OSBPL7: variants seen among roughly 807,000 people sequenced by gnomAD.
OSBPL7 encodes oxysterol-binding protein-related protein 7.
A neutral mutation model predicts 115.8 loss-of-function variants in OSBPL7; 66 were observed. The ratio of observed to expected loss-of-function variants is 0.57; its 90% CI spans 0.47 to 0.70. The LOEUF is 0.70. Ranked by LOEUF, OSBPL7 falls within the 30% of genes least tolerant of loss-of-function variation. The pLI is 0.00. For synonymous variants in OSBPL7, 441 were observed against 439.2 expected (o/e 1.00, Z -0.05); for missense variants, 902 against 1,125.5 (o/e 0.80, Z 2.84).
At position 47,819,721 on chromosome 17, in the gene OSBPL7, G is replaced by A. The variant is rs370420564; in HGVS notation, c.255+8C>T. 259 of 1,613,896 alleles carry A rather than the reference G, an allele frequency of 1.6e-4. No individual in the cohort carries two copies. The highest frequency in any genetic ancestry group is 3.3e-4 in the Middle Eastern group (2 of 6,082). ...CTCCCACAACCCCAAGCCACTGCCC[G>A]GGCTCACGTCTTGCCGGGTTGTTGC... On this transcript the variant is annotated splice_region_variant and intron_variant, in intron 4 of 22. Coordinates refer to ENST00000007414, the MANE Select transcript of OSBPL7 (RefSeq NM_145798.3).
At chr17:47,820,500 C>A in intron 1 of OSBPL7, 135 bp from the exon 2 acceptor site, 1 of 547,912 alleles carries the variant, frequency 1.8e-6, no homozygotes, top group Non-Finnish European at 3.3e-6. Flanking sequence ...CCCAAGTCTG[C>A]CCCTCTGTCC....
At position 47,808,790 on chromosome 17, in the gene OSBPL7, A is replaced by G; in HGVS notation, c.2297+74T>C. On this transcript the variant is annotated intron_variant, in intron 21 of 22. Transcript: ENST00000007414. This position sits in a 1 kb window ranked among gnomAD's most constrained non-coding sequence, Gnocchi z 6.1. ...TCTGAGGCCACTCAGTGAAGGAAGG[A>G]CAAAGCCCCAGCTCTGTACTCTGTG... is the stretch of plus-strand genomic sequence containing the variant. 1 of 1,604,946 alleles carries G rather than the reference A, an allele frequency of 6.2e-7. No individual in the cohort carries two copies. Among genetic ancestry groups the G allele is most frequent in the Non-Finnish European group, 8.5e-7 (1 of 1,173,330 alleles).
Position 47,813,742 on chromosome 17 carries a change from T to C in OSBPL7, c.1444A>G (p.Ile482Val), listed in dbSNP as rs1267678516. 2 of 1,613,278 alleles carry C rather than the reference T, an allele frequency of 1.2e-6. No homozygotes were observed. Among genetic ancestry groups the C allele is most frequent in the African/African-American group, 2.7e-5 (2 of 74,904 alleles). Residue 482 changes from isoleucine to valine, a missense_variant, in exon 15 of 23, where the codon ATT becomes GTT. Physicochemically the swap from Ile to Val is conservative, Grantham distance 29 (BLOSUM62 3). Around this residue, in one of 3 missense-constraint regions of OSBPL7, gnomAD observed 667 missense variants for 788.7 expected, o/e 0.85. Transcript: ENST00000007414. ...GPGADVSLWN[I>V]LRNNIGKDLS... ...TCTTTGCCGATGTTGTTGCGCAGAA[T>C]GTTCCACAGGCTCACGTCAGCCCCA...
intron 13 of OSBPL7, chr17:47,814,880 T>A (rs1339184619): frequency 7.1e-6 from 4 of 560,268 alleles, no homozygotes; most frequent in Non-Finnish European, 1.3e-5. Context: ...GGAAGGGAAG[T>A]TGGGGATTAC....
intron 13 of OSBPL7, 99 bp downstream of exon 13, chr17:47,815,116 G>A (rs2033170316): frequency 4.1e-6 from 6 of 1,458,004 alleles, no homozygotes; most frequent in Middle Eastern, 2.4e-4. Context: ...CTGAGGTGGT[G>A]AGAAGGGGCT....
Position 47,816,024 on chromosome 17 carries a change from T to G in OSBPL7, c.1119+83A>C, listed in dbSNP as rs933484112. 1 of 1,288,650 alleles carries G rather than the reference T, an allele frequency of 7.8e-7. No homozygotes were observed. The highest frequency in any genetic ancestry group is 1.5e-5 in the African/African-American group (1 of 66,224). 79.8% of individuals were successfully genotyped at this position (1,288,650 alleles called of 1,614,324 possible). A position where few individuals can be genotyped will look rare whatever the true frequency, so the allele number is the denominator to read the frequency against. On this transcript the variant is annotated intron_variant, in intron 12 of 22. Coordinates refer to ENST00000007414, the MANE Select transcript of OSBPL7 (RefSeq NM_145798.3). The surrounding 1 kb of genome is among the most constrained non-coding windows in gnomAD (Gnocchi z 5.8). ...CTGTCTTTGGGACTAAAAACCAACT[T>G]TGCCCACTGCCCTGGGCCTTGGCTT...
At chr17:47,820,796 C>T (rs928967307) in intron 1 of OSBPL7, 1 of 152,650 alleles carries the variant, frequency 6.6e-6, no homozygotes. Context: ...TTCAGGACCC[C>T]TCCACCCTGC....
intron 3 of OSBPL7, 68 bp from the exon 4 acceptor site, chr17:47,819,850 C>T: frequency 6.2e-7 from 1 of 1,610,322 alleles, no homozygotes; most frequent in Non-Finnish European, 8.5e-7. Context: ...AGAAGGCAAC[C>T]ACACAAATTA....
intron 4 of OSBPL7, 51 bp downstream of exon 4, chr17:47,819,678 C>T (rs571591757): frequency 6.2e-7 from 1 of 1,604,732 alleles, no homozygotes; most frequent in African/African-American, 1.3e-5. Flanking sequence ...CTGCCCAGGG[C>T]ATACTGGGGC....
chr17:47,808,562 ATGT>A lies in OSBPL7; in HGVS notation c.2393_2395del (p.Asn798del). The A allele has an allele frequency of 6.2e-7, 1 of 1,614,114 alleles. No homozygotes were observed. The highest frequency in any genetic ancestry group is 8.5e-7 in the Non-Finnish European group (1 of 1,180,002). ...CCTGAAGAAGCGAGCCTGGTGTACG[ATGT>A]TGTTTTCCTCCATGACTTTGCGCCT... On this transcript the variant is annotated inframe_deletion, in exon 22 of 23. Transcript: ENST00000007414. The surrounding 1 kb of genome is among the most constrained non-coding windows in gnomAD (Gnocchi z 6.1).
In OSBPL7 at chr17:47,820,331, G is replaced by T; in HGVS notation, c.-53C>A. The T allele has an allele frequency of 4.5e-6, 7 of 1,556,322 alleles. No homozygotes were observed. The highest frequency in any genetic ancestry group is 6.1e-6 in the Non-Finnish European group (7 of 1,140,642). On this transcript the variant is annotated 5_prime_UTR_variant, in exon 2 of 23. Transcript: ENST00000007414. ...GGGATGTAGAGCAGGGAGCAGGGTG[G>T]AAGGGGAAGGATGTCACCTGCTCCT...
Position 47,808,600 on chromosome 17 carries a change from C to T in OSBPL7, c.2358G>A (p.Leu786=). ...CCATGACTTTGCGCCTGTCTCGCTG[C>T]AGCTGCTCGATCCTTCTCTTCTGGG... is the stretch of plus-strand genomic sequence containing the variant. The part of the protein sequence containing the change: ...AEAQKRRIEQ[L]QRDRRKVMEE... Residue 786 remains leucine, a synonymous_variant, in exon 22 of 23, where the codon CTG becomes CTA. Transcript: ENST00000007414. This position sits in a 1 kb window ranked among gnomAD's most constrained non-coding sequence, Gnocchi z 6.1. 6.2e-7 allele frequency: 1 copy of T among 1,614,224 alleles called. No homozygotes were observed. Among genetic ancestry groups the T allele is most frequent in the Non-Finnish European group, 8.5e-7 (1 of 1,180,036 alleles).
In OSBPL7 at chr17:47,817,308, C is replaced by T; in HGVS notation, c.650G>A (p.Ser217Asn). Reference protein sequence around the residue: ...KLQELHRLLQSLESLHRIPSA... With the variant: ...KLQELHRLLQNLESLHRIPSA... ...GGGGATTCGGTGCAGGGACTCCAGGCTCTGGAGGAGCCTGTGTAGTTCCTG... is the reference window on the plus strand; with the variant it reads ...GGGGATTCGGTGCAGGGACTCCAGGTTCTGGAGGAGCCTGTGTAGTTCCTG... Residue 217 changes from serine to asparagine, a missense_variant, in exon 8 of 23, where the codon AGC becomes AAC. This residue lies in a region of OSBPL7 where 667 missense variants were observed against 788.7 expected (regional missense o/e 0.85). Coordinates refer to ENST00000007414, the MANE Select transcript of OSBPL7 (RefSeq NM_145798.3). 6.2e-7 allele frequency: 1 copy of T among 1,603,312 alleles called. No individual in the cohort carries two copies. The highest frequency in any genetic ancestry group is 8.5e-7 in the Non-Finnish European group (1 of 1,177,432).
rs767606219 is a variant in OSBPL7, at chr17:47,813,602, G to T, written c.1584C>A (p.Asp528Glu). 5.3e-5 allele frequency: 85 copies of T among 1,611,160 alleles called. No individual in the cohort carries two copies. The highest frequency in any genetic ancestry group is 7.2e-5 in the Non-Finnish European group (85 of 1,178,748). ...SLLDQASRIA[D>E]PCERMVYIAA... ...AAGCAGGTACCATGCGCTCGCAGGG[G>T]TCGGCGATGCGGCTGGCCTGGTCCA... Residue 528 changes from aspartate (D) to glutamate (E), a missense_variant, in exon 15 of 23, where the codon GAC (aspartate) becomes GAA (glutamate). Transcript: ENST00000007414.
At chr17:47,817,138 C>A (rs2033247445) in intron 8 of OSBPL7, 118 bp downstream of exon 8, 1 of 832,054 alleles carries the variant, frequency 1.2e-6, no homozygotes, top group Non-Finnish European at 1.9e-6. Context: ...GGGGAGGAAA[C>A]CAGGCGATGC....
chr17:47,810,559 G>T (rs1401324652), intron 18 of OSBPL7, 35 bp downstream of exon 18: 7 of 1,579,966 alleles, frequency 4.4e-6, no homozygotes, highest in Non-Finnish European at 6.1e-6. Flanking sequence ...ATTGCCTGTG[G>T]CTTGGCCTGG....
intron 1 of OSBPL7, chr17:47,821,000 T>TC (rs1353535717): frequency 6.6e-6 from 1 of 151,936 alleles, no homozygotes; most frequent in African/African-American, 2.4e-5. Context: ...AGCCTCACCA[T>TC]CCCCTGTCTA....
In OSBPL7 at chr17:47,816,330, G is replaced by T; in HGVS notation, c.1023+58C>A. The T allele has an allele frequency of 6.7e-7, 1 of 1,483,384 alleles. No homozygotes were observed. The highest frequency in any genetic ancestry group is 9.0e-7 in the Non-Finnish European group (1 of 1,109,970). 91.9% of individuals were successfully genotyped at this position (1,483,384 alleles called of 1,614,324 possible). ...AGATCTGCTATCGGACCCCAGGCTGGCAGTCCTCAGCTTGAAGCCCTCTCC... is the reference window on the plus strand; with the variant it reads ...AGATCTGCTATCGGACCCCAGGCTGTCAGTCCTCAGCTTGAAGCCCTCTCC... On this transcript the variant is annotated intron_variant, in intron 11 of 22. Coordinates refer to ENST00000007414, the MANE Select transcript of OSBPL7 (RefSeq NM_145798.3). The surrounding 1 kb of genome is among the most constrained non-coding windows in gnomAD (Gnocchi z 5.8).
At position 47,808,280 on chromosome 17, in the gene OSBPL7, C is replaced by T. The variant is rs766097183; in HGVS notation, c.*11G>A. 39 of 1,596,868 alleles carry T rather than the reference C, an allele frequency of 2.4e-5. No homozygotes were observed. Among genetic ancestry groups the T allele is most frequent in the Middle Eastern group, 1.9e-4 (1 of 5,360 alleles). ...GTGAGGAACCAGAGCCTCCTGCCCC[C>T]GGGGCCAGGGCTACCAGAGCACGGC... On this transcript the variant is annotated 3_prime_UTR_variant, in exon 23 of 23. Transcript: ENST00000007414. This position sits in a 1 kb window ranked among gnomAD's most constrained non-coding sequence, Gnocchi z 6.1.
Sources: gnomAD v4.1 joint callset for allele counts on GRCh38, gnomAD v4.1.1 for gene constraint, gnomAD v4.1.1 regional missense constraint, Gnocchi (gnomAD v3.1) non-coding constraint, MANE v1.5 for transcripts, NCBI Gene and HGNC (gene_info 2026-07-23, HGNC 2026-07-21) for gene names.